Variants in NACC2 observed in about 807,000 individuals in gnomAD.
The protein encoded by NACC2 is nucleus accumbens-associated protein 2.
A neutral mutation model predicts 25.1 loss-of-function variants in NACC2; 8 were observed. The ratio of observed to expected loss-of-function variants is 0.32; its 90% CI spans 0.19 to 0.57. The LOEUF (loss-of-function observed/expected upper bound fraction) is 0.57. NACC2 is among the 20% of genes least tolerant of loss of function. The pLI is 0.89. For synonymous variants in NACC2, 435 were observed against 294.7 expected, an observed-to-expected ratio of 1.48 and a Z score of -4.88; for missense variants, 644 against 650.2, an observed-to-expected ratio of 0.99 and a Z score of 0.10.
At chr9:136,058,322 C>A (rs1239916006) in intron 1 of NACC2, among the ~76,000 whole-genome samples, 2 of 152,252 alleles carry the variant, frequency 1.3e-5, no homozygotes, top group Non-Finnish European at 2.9e-5. Flanking sequence ...CCCCATCCTG[C>A]CCGGTCCCCA....
intron 2 of NACC2, among the ~76,000 whole-genome samples, chr9:136,033,430 G>A (rs1373225097): frequency 6.6e-6 from 1 of 151,996 alleles, no homozygotes; most frequent in African/African-American, 2.4e-5. Context: ...GATCATCTGA[G>A]GTCAGGAGTT....
At chr9:136,031,593 C>A (rs1307998757) in intron 2 of NACC2, among the ~76,000 whole-genome samples, 1 of 152,124 alleles carries the variant, frequency 6.6e-6, no homozygotes, top group East Asian at 1.9e-4. Flanking sequence ...CCGCCTCGGC[C>A]TCCCAAAGTG....
chr9:136,024,186 A>AGT (rs1276104414), intron 2 of NACC2, among the ~76,000 whole-genome samples: 1 of 84,274 alleles, frequency 1.2e-5, no homozygotes, highest in Non-Finnish European at 2.3e-5. Context: ...GTGAGGACGG[A>AGT]GTGTGTGTGT....
chr9:136,049,917 G>T lies in NACC2; in HGVS notation c.605C>A (p.Ala202Glu). Reference sequence around the variant, plus strand: ...CGCCACCGCAGCCCCCGCGGCCACCGCCACGCCGTCCCGGGGCCCCGTCTC... The same window carrying T: ...CGCCACCGCAGCCCCCGCGGCCACCTCCACGCCGTCCCGGGGCCCCGTCTC... ...PLETGPRDGVAVAAGAAVAAG... is the reference protein window; with the variant it reads ...PLETGPRDGVEVAAGAAVAAG... Residue 202 changes from alanine (A) to glutamate (E), a missense_variant, in exon 2 of 6, where the codon GCG becomes GAG. Transcript: ENST00000277554. 1.7e-6 allele frequency: 1 copy of T among 580,700 alleles called. No individual in the cohort carries two copies. The allele number at this position is 580,700 out of a possible 1,614,324, so 36.0% of individuals were successfully genotyped here. A position where few individuals can be genotyped will look rare whatever the true frequency, so the allele number is the denominator to read the frequency against.
chr9:136,038,118 A>G (rs1840580569), intron 2 of NACC2, among the ~76,000 whole-genome samples: 1 of 152,210 alleles, frequency 6.6e-6, no homozygotes, highest in South Asian at 2.1e-4. Flanking sequence ...CAGGAAACAG[A>G]TTAGCGGTGG....
At chr9:136,081,816 G>A (rs1830327348) in intron 1 of NACC2, among the ~76,000 whole-genome samples, 1 of 152,110 alleles carries the variant, frequency 6.6e-6, no homozygotes, top group Non-Finnish European at 1.5e-5. Context: ...CAGGTAACCA[G>A]GCAACACCAG....
rs749809138 is a variant in NACC2 at position 136,020,750 on chromosome 9, G to A, written c.887-4321C>T. Among the ~76,000 whole-genome samples, 1 of 152,288 alleles carries A rather than the reference G, an allele frequency of 6.6e-6. No homozygotes were observed. The highest frequency in any genetic ancestry group is 1.5e-5 in the Non-Finnish European group (1 of 68,016). On this transcript the variant is annotated intron_variant, in intron 2 of 5. Transcript: ENST00000277554. The surrounding 1 kb of genome is among the most constrained non-coding windows in gnomAD (Gnocchi z 4.7). The stretch of plus-strand genomic sequence containing the variant: ...CCTGCATGGTTCAGGGAAGTGGACA[G>A]ACAGGTCAATGGCACAGAATAGGAG...
intron 2 of NACC2, among the ~76,000 whole-genome samples, chr9:136,042,679 G>T (rs533941260): frequency 6.8e-6 from 1 of 148,082 alleles, no homozygotes; most frequent in African/African-American, 2.5e-5. Flanking sequence ...CAGACACACA[G>T]ACATACACAC....
At chr9:136,070,500 C>T (rs935672684) in intron 1 of NACC2, among the ~76,000 whole-genome samples, 5 of 151,438 alleles carry the variant, frequency 3.3e-5, no homozygotes, top group African/African-American at 1.2e-4. Flanking sequence ...GAGCGAGACT[C>T]GTCTCAAAAA....
At chr9:136,070,910 G>T (rs557356845) in intron 1 of NACC2, among the ~76,000 whole-genome samples, 1 of 151,840 alleles carries the variant, frequency 6.6e-6, no homozygotes, top group Admixed American at 6.5e-5. Context: ...CCTGCAGATA[G>T]CAAAAGGATA....
intron 1 of NACC2, among the ~76,000 whole-genome samples, chr9:136,081,492 C>T (rs1469726986): frequency 3.3e-5 from 5 of 152,368 alleles, no homozygotes; most frequent in Middle Eastern, 6.8e-3. Flanking sequence ...GCCGGGCGTC[C>T]GCTTCCACCT....
chr9:136,014,111 C>A, intron 3 of NACC2, 142 bp from the exon 4 acceptor site: 2 of 633,918 alleles, frequency 3.2e-6, no homozygotes, highest in South Asian at 4.0e-5. Flanking sequence ...TGGGGAGGAG[C>A]AATTTGAGGT....
At position 136,058,636 on chromosome 9, in the gene NACC2, TCAC is replaced by T. The variant is rs765786676; in HGVS notation, c.-59-8059_-59-8057del. ...AAAACTAACCCACCGGGTACCATGCTCACCACCTGAGTGACGAGCTCGATCGCA... is the reference window on the plus strand; with the variant it reads ...AAAACTAACCCACCGGGTACCATGCTCACCTGAGTGACGAGCTCGATCGCA... On this transcript the variant is annotated intron_variant, in intron 1 of 5. Transcript: ENST00000277554. 1.1e-4 allele frequency among the ~76,000 whole-genome samples: 16 copies of T among 152,232 alleles called. No homozygotes were observed. The South Asian group carries it at 1.7e-3, about 16-fold the overall frequency.
chr9:136,011,197 C>T lies in NACC2; in HGVS notation c.*319G>A. On this transcript the variant is annotated 3_prime_UTR_variant, in exon 6 of 6. Transcript: ENST00000277554. Reference sequence around the variant, plus strand: ...GAAGGGCAGGGAGGAAGGGGCAGGGCTGGGCACCAGGGGCCTGGCGGCCTC... The same window carrying T: ...GAAGGGCAGGGAGGAAGGGGCAGGGTTGGGCACCAGGGGCCTGGCGGCCTC... The T allele has an allele frequency of 4.9e-6, 1 of 204,262 alleles. No homozygotes were observed. Among genetic ancestry groups the T allele is most frequent in the Non-Finnish European group, 9.7e-6 (1 of 103,198 alleles). The allele number at this position is 204,262 out of a possible 1,614,324, so 12.7% of individuals were successfully genotyped here.
rs1840074043 is a variant in NACC2, at chr9:136,009,612, T to C, written c.*1904A>G. 6.6e-6 allele frequency: 1 copy of C among 152,244 alleles called. No homozygotes were observed. The highest frequency in any genetic ancestry group is 2.4e-5 in the African/African-American group (1 of 41,452). 9.4% of individuals were successfully genotyped at this position (152,244 alleles called of 1,614,324 possible). A position where few individuals can be genotyped will look rare whatever the true frequency, so the allele number is the denominator to read the frequency against. On this transcript the variant is annotated 3_prime_UTR_variant, in exon 6 of 6. Coordinates refer to ENST00000277554, the MANE Select transcript of NACC2 (RefSeq NM_144653.5). Reference sequence around the variant, plus strand: ...AGCCCAGGAGGCTGAGTGCTGTCTGTAGAGGCGGCCCCACGGGAGGTCTCC... The same window carrying C: ...AGCCCAGGAGGCTGAGTGCTGTCTGCAGAGGCGGCCCCACGGGAGGTCTCC...
rs1240028964 is a variant in NACC2 at position 136,020,903 on chromosome 9, T to C, written c.887-4474A>G. 6.6e-6 allele frequency among the ~76,000 whole-genome samples: 1 copy of C among 152,108 alleles called. No homozygotes were observed. Among genetic ancestry groups the C allele is most frequent in the African/African-American group, 2.4e-5 (1 of 41,412 alleles). On this transcript the variant is annotated intron_variant, in intron 2 of 5. Transcript: ENST00000277554. This position sits in a 1 kb window ranked among gnomAD's most constrained non-coding sequence, Gnocchi z 4.7. The stretch of plus-strand genomic sequence containing the variant: ...GCAACTGGCCATCCGCACCCACACG[T>C]GGCACCAAAACCACCCTCCGTCTCA...
At chr9:136,016,152 A>ATT (rs143627408) in intron 3 of NACC2, 113 bp downstream of exon 3, 15 of 1,123,864 alleles carry the variant, frequency 1.3e-5, no homozygotes, top group South Asian at 3.3e-5. Flanking sequence ...GAAATTTAAG[A>ATT]TTTTTTTTTT....
intron 2 of NACC2, among the ~76,000 whole-genome samples, chr9:136,048,682 T>C (rs1442260087): frequency 6.6e-6 from 1 of 152,240 alleles, no homozygotes; most frequent in Non-Finnish European, 1.5e-5. Context: ...GTGGTTACCC[T>C]GCTGTCCCGG....
intron 1 of NACC2, among the ~76,000 whole-genome samples, chr9:136,060,760 A>T (rs1010416950): frequency 6.6e-6 from 1 of 152,196 alleles, no homozygotes; most frequent in Admixed American, 6.5e-5. Context: ...GGACCCTCAG[A>T]GCCCTGGGCA....
Sources: gnomAD v4.1 joint callset for allele counts (sites outside exome capture counted in the v4.1 genomes callset) on GRCh38, gnomAD v4.1.1 for gene constraint, Gnocchi (gnomAD v3.1) non-coding constraint, MANE v1.5 for transcripts, NCBI Gene and HGNC (gene_info 2026-07-23, HGNC 2026-07-21) for gene names.